Variants in SERGEF observed in about 807,000 individuals in gnomAD.
SERGEF encodes the protein secretion-regulating guanine nucleotide exchange factor.
In SERGEF, 51 loss-of-function variants were observed where a neutral mutation model predicts 50.0. That is an observed-to-expected ratio of 1.02 (90% confidence interval 0.81 to 1.29). The LOEUF is 1.29. Ranked by LOEUF, SERGEF falls within the 50% of genes most tolerant of loss-of-function variation. SERGEF has a pLI of 0.00. For synonymous variants in SERGEF, 205 were observed against 212.4 expected (o/e 0.97, Z 0.30); for missense variants, 521 against 557.0 (o/e 0.94, Z 0.65).
rs148272229 is a variant in SERGEF at position 17,998,456 on chromosome 11, T to C, written c.508+2041A>G. ...ACATACATACATATATATATATATA[T>C]ATATATATATATATATATATATATA... On this transcript the variant is annotated intron_variant, in intron 5 of 10. Coordinates refer to ENST00000265965, the MANE Select transcript of SERGEF (RefSeq NM_012139.4). Among the ~76,000 whole-genome samples, 592 of 63,556 alleles carry C rather than the reference T, an allele frequency of 9.3e-3. 16 individuals are homozygous for C. Among genetic ancestry groups the C allele is most frequent in the Middle Eastern group, 0.047 (5 of 106 alleles). The allele number at this position is 63,556 out of a possible 152,430, so 41.7% of individuals were successfully genotyped here.
chr11:17,980,509 A>C (rs1434799357), intron 8 of SERGEF, among the ~76,000 whole-genome samples: 3 of 152,258 alleles, frequency 2.0e-5, no homozygotes, highest in African/African-American at 7.2e-5. Flanking sequence ...GAAAATATTC[A>C]AAATTCATCA....
chr11:17,835,083 C>A (rs1043908084), intron 10 of SERGEF, among the ~76,000 whole-genome samples: 7 of 152,148 alleles, frequency 4.6e-5, no homozygotes, highest in African/African-American at 1.7e-4. Flanking sequence ...ACACATTGGA[C>A]AAATATTATT....
At chr11:17,873,713 CA>C (rs1277056497) in intron 10 of SERGEF, among the ~76,000 whole-genome samples, 1 of 151,664 alleles carries the variant, frequency 6.6e-6, no homozygotes, top group Non-Finnish European at 1.5e-5. Context: ...ACTTTCCTGC[CA>C]ATAACCAACC....
chr11:17,882,298 G>A (rs1336231418), intron 9 of SERGEF, among the ~76,000 whole-genome samples: 1 of 151,592 alleles, frequency 6.6e-6, no homozygotes, highest in Non-Finnish European at 1.5e-5. Context: ...GGGTGCCTAT[G>A]ATCCCATCTG....
chr11:17,956,650 G>A (rs891528387), intron 9 of SERGEF, among the ~76,000 whole-genome samples: 3 of 151,958 alleles, frequency 2.0e-5, no homozygotes, highest in African/African-American at 7.3e-5. Context: ...TATCCTTCTG[G>A]ACCCTTCTTT....
intron 10 of SERGEF, among the ~76,000 whole-genome samples, chr11:17,820,212 C>A (rs949225673): frequency 2.0e-5 from 3 of 151,986 alleles, no homozygotes; most frequent in African/African-American, 7.3e-5. Context: ...AACTCCAAGC[C>A]CCTTCTCTTC....
At chr11:17,894,032 T>C (rs1021259668) in intron 9 of SERGEF, among the ~76,000 whole-genome samples, 1 of 152,290 alleles carries the variant, frequency 6.6e-6, no homozygotes, top group South Asian at 2.1e-4. Context: ...CTTCCTAAAG[T>C]ACAAGTGAAT....
intron 4 of SERGEF, among the ~76,000 whole-genome samples, chr11:18,001,112 A>G (rs1853950942): frequency 6.6e-6 from 1 of 152,124 alleles, no homozygotes; most frequent in Non-Finnish European, 1.5e-5. Flanking sequence ...TGCCTGTTCC[A>G]TTTTTGCACA....
At chr11:17,973,963 C>T (rs972189588) in intron 8 of SERGEF, among the ~76,000 whole-genome samples, 1 of 152,156 alleles carries the variant, frequency 6.6e-6, no homozygotes, top group African/African-American at 2.4e-5. Context: ...AATCAGGAGA[C>T]TTAGAGTCCC....
At chr11:17,957,077 C>T (rs1340708990) in intron 9 of SERGEF, among the ~76,000 whole-genome samples, 1 of 152,146 alleles carries the variant, frequency 6.6e-6, no homozygotes, top group Non-Finnish European at 1.5e-5. Context: ...GAGATCAGAG[C>T]GTCTACACTC....
At chr11:17,914,376 G>A (rs1259531302) in intron 9 of SERGEF, among the ~76,000 whole-genome samples, 1 of 152,130 alleles carries the variant, frequency 6.6e-6, no homozygotes, top group African/African-American at 2.4e-5. Context: ...TGAATTTGGG[G>A]TAGGGCTTGG....
intron 10 of SERGEF, among the ~76,000 whole-genome samples, chr11:17,802,327 TGAGTTCCACTG>T (rs1401448420): frequency 2.0e-5 from 3 of 152,184 alleles, no homozygotes; most frequent in Non-Finnish European, 4.4e-5. Context: ...GGAAGCCCAG[TGAGTTCCACTG>T]GGCTCCCTCC....
chr11:17,870,761 C>A (rs1851123803), intron 10 of SERGEF, among the ~76,000 whole-genome samples: 1 of 151,914 alleles, frequency 6.6e-6, no homozygotes, highest in South Asian at 2.1e-4. Flanking sequence ...TAAAATTAGA[C>A]AGATTAAAAA....
chr11:17,996,513 C>A (rs1301228763), intron 5 of SERGEF, among the ~76,000 whole-genome samples: 1 of 152,170 alleles, frequency 6.6e-6, no homozygotes, highest in African/African-American at 2.4e-5. Context: ...GCGGAATGGC[C>A]TTTTACTTTC....
At chr11:17,918,507 T>C (rs1168790064) in intron 9 of SERGEF, among the ~76,000 whole-genome samples, 2 of 152,018 alleles carry the variant, frequency 1.3e-5, no homozygotes, top group African/African-American at 4.8e-5. Flanking sequence ...ATCCATTCAT[T>C]CCCTCATTCA....
At chr11:17,794,464 A>G (rs777184248) in intron 10 of SERGEF, among the ~76,000 whole-genome samples, 11 of 152,224 alleles carry the variant, frequency 7.2e-5, no homozygotes, top group Admixed American at 1.3e-4. Context: ...AACCAGGCTC[A>G]GAGAGGTAAA....
intron 10 of SERGEF, among the ~76,000 whole-genome samples, chr11:17,792,734 G>C (rs139377027): frequency 6.6e-6 from 1 of 152,164 alleles, no homozygotes; most frequent in African/African-American, 2.4e-5. Context: ...TCATTTTAGA[G>C]AGAATAAAAC....
At chr11:18,005,515 CGCTAAAAA>C (rs1027942715) in intron 3 of SERGEF, among the ~76,000 whole-genome samples, 3 of 152,162 alleles carry the variant, frequency 2.0e-5, no homozygotes, top group African/African-American at 7.2e-5. Flanking sequence ...AGAAGGCCAA[CGCTAAAAA>C]GCTAGGAATC....
At chr11:18,009,347 T>C (rs1316235116) in intron 1 of SERGEF, among the ~76,000 whole-genome samples, 2 of 152,176 alleles carry the variant, frequency 1.3e-5, no homozygotes, top group Admixed American at 6.5e-5. Context: ...TCCCTTCTTA[T>C]GCTCCAGCCC....
Sources: gnomAD v4.1 joint callset for allele counts (sites outside exome capture counted in the v4.1 genomes callset) on GRCh38, gnomAD v4.1.1 for gene constraint, MANE v1.5 for transcripts, NCBI Gene and HGNC (gene_info 2026-07-23, HGNC 2026-07-21) for gene names.